Variants in RIPOR2 observed in about 807,000 individuals in gnomAD.
RIPOR2 encodes the protein RHO family interacting cell polarization regulator 2, also known as rho family-interacting cell polarization regulator 2.
RIPOR2 carries 39 observed loss-of-function variants against 114.5 expected under a neutral mutation model. The ratio of observed to expected loss-of-function variants is 0.34; its 90% CI spans 0.26 to 0.44. The LOEUF (loss-of-function observed/expected upper bound fraction) is 0.44. RIPOR2 is among the 20% of genes least tolerant of loss of function. The pLI is 1.00. For missense variants in RIPOR2, 1,007 were observed against 1,255.1 expected (o/e 0.80, Z 2.99); for synonymous variants, 445 against 484.4 (o/e 0.92, Z 1.07).
intron 1 of RIPOR2, among the ~76,000 whole-genome samples, chr6:24,935,364 G>C (rs2114161352): frequency 8.1e-6 from 1 of 123,944 alleles, no homozygotes; most frequent in African/African-American, 3.0e-5. Context: ...GAGAAAGATA[G>C]ACAGAGAGAG....
chr6:24,887,352 C>T (rs565512995), intron 1 of RIPOR2, among the ~76,000 whole-genome samples: 75 of 152,274 alleles, frequency 4.9e-4, no homozygotes, highest in Non-Finnish European at 2.4e-4. Context: ...CCAGGCTTCA[C>T]CCAAGTCACC....
At chr6:24,953,081 C>T (rs1394276397) in intron 1 of RIPOR2, among the ~76,000 whole-genome samples, 1 of 152,126 alleles carries the variant, frequency 6.6e-6, no homozygotes, top group East Asian at 1.9e-4. Context: ...TGCCTGTAAT[C>T]CCAGCACTTT....
In RIPOR2 at chr6:24,853,071, C is replaced by T. The variant is rs546273470; in HGVS notation, c.716-453G>A. 1.1e-3 allele frequency among the ~76,000 whole-genome samples: 171 copies of T among 152,264 alleles called. 1 individual carries two copies. The highest frequency in any genetic ancestry group is 4.0e-3 in the African/African-American group (165 of 41,552). ...GTTAAGATTCCATGCAGTTATTTCC[C>T]TTGCTGCCCCCCAATTTACTCATTC... On this transcript the variant is annotated intron_variant, in intron 8 of 21. Coordinates refer to ENST00000643898, the MANE Select transcript of RIPOR2 (RefSeq NM_001286445.3).
chr6:24,844,370 C>G (rs1418288413), intron 12 of RIPOR2, among the ~76,000 whole-genome samples: 1 of 56,420 alleles, frequency 1.8e-5, no homozygotes, highest in Admixed American at 2.1e-4. Context: ...GAAGTCAGCT[C>G]TCTTGTGCTG....
intron 1 of RIPOR2, among the ~76,000 whole-genome samples, chr6:24,919,084 A>G (rs1200406433): frequency 6.6e-6 from 1 of 152,236 alleles, no homozygotes; most frequent in Non-Finnish European, 1.5e-5. Flanking sequence ...CAACTCCTGC[A>G]GCACAGCTTG....
intron 19 of RIPOR2, among the ~76,000 whole-genome samples, chr6:24,821,906 G>C (rs926557275): frequency 2.0e-5 from 3 of 152,234 alleles, no homozygotes; most frequent in African/African-American, 7.2e-5. Context: ...GACAATTTAA[G>C]TTGTGATCAC....
chr6:24,998,962 G>T (rs1430646965), intron 1 of RIPOR2, among the ~76,000 whole-genome samples: 1 of 152,114 alleles, frequency 6.6e-6, no homozygotes, highest in East Asian at 1.9e-4. Context: ...CTATAGGGAT[G>T]CATATTCCTT....
chr6:24,838,119 C>T (rs534502023), intron 14 of RIPOR2, among the ~76,000 whole-genome samples: 5 of 152,292 alleles, frequency 3.3e-5, no homozygotes, highest in South Asian at 4.1e-4. Context: ...GGACACCGGA[C>T]GGTGAAGGTG....
At chr6:24,951,248 C>T (rs986852649) in intron 1 of RIPOR2, among the ~76,000 whole-genome samples, 2 of 152,112 alleles carry the variant, frequency 1.3e-5, no homozygotes, top group Admixed American at 6.6e-5. Context: ...GAGGAACTAC[C>T]ATTACACAGA....
chr6:25,039,635 A>C lies in RIPOR2; in HGVS notation c.76+2216T>G, dbSNP rs148712670. On this transcript the variant is annotated intron_variant, in intron 1 of 13. Transcript: ENST00000510784. The stretch of plus-strand genomic sequence containing the variant: ...CTTTTCTGATAACTCTTATTTTAAG[A>C]GTATAGGCCGACTTCCCATCCATAC... 1.5e-4 allele frequency among the ~76,000 whole-genome samples: 23 copies of C among 152,322 alleles called. No homozygotes were observed. The East Asian group carries it at 4.2e-3, about 28-fold the overall frequency.
chr6:24,902,985 A>G (rs1349848865), intron 1 of RIPOR2, among the ~76,000 whole-genome samples: 1 of 152,196 alleles, frequency 6.6e-6, no homozygotes, highest in Non-Finnish European at 1.5e-5. Flanking sequence ...AAATCATTCC[A>G]AAATGTAGTG....
chr6:24,864,128 A>C (rs1764349437), intron 7 of RIPOR2, among the ~76,000 whole-genome samples: 1 of 151,918 alleles, frequency 6.6e-6, no homozygotes, highest in Non-Finnish European at 1.5e-5. Context: ...GTATAGTAAA[A>C]CTCCGTCTCT....
intron 1 of RIPOR2, among the ~76,000 whole-genome samples, chr6:25,031,844 T>TTA (rs1424454292): frequency 7.0e-5 from 10 of 143,296 alleles, no homozygotes; most frequent in East Asian, 2.1e-4. Context: ...TACAAAAAGG[T>TTA]TATATATATA....
At chr6:25,030,482 AG>A (rs747472405) in intron 1 of RIPOR2, among the ~76,000 whole-genome samples, 3 of 152,172 alleles carry the variant, frequency 2.0e-5, no homozygotes, top group Non-Finnish European at 4.4e-5. Flanking sequence ...TGGTGATTAG[AG>A]TTCTTACCAC....
At chr6:24,990,286 T>C (rs1052270980) in intron 1 of RIPOR2, among the ~76,000 whole-genome samples, 2 of 152,204 alleles carry the variant, frequency 1.3e-5, no homozygotes, top group African/African-American at 2.4e-5. Context: ...CAAGACCAAA[T>C]CAACTTTAAT....
chr6:25,036,379 AC>A (rs374995110), intron 1 of RIPOR2, among the ~76,000 whole-genome samples: 8,318 of 152,084 alleles, frequency 0.055, 262 homozygotes, highest in Non-Finnish European at 0.068. Context: ...ACAGAGTTCA[AC>A]GGGTTTTTGT....
intron 1 of RIPOR2, among the ~76,000 whole-genome samples, chr6:24,917,351 G>A (rs1178307892): frequency 6.6e-5 from 10 of 152,108 alleles, no homozygotes; most frequent in Non-Finnish European, 1.2e-4. Flanking sequence ...TTACAAATTC[G>A]TATAGTTCTA....
Position 24,839,049 on chromosome 6 carries a change from T to A in RIPOR2, c.2039+42A>T, listed in dbSNP as rs573429464. 1.3e-5 allele frequency: 19 copies of A among 1,484,876 alleles called. No individual in the cohort carries two copies. In the African/African-American group the frequency reaches 2.4e-4, roughly 19 times the overall value. 92.0% of individuals were successfully genotyped at this position (1,484,876 alleles called of 1,614,324 possible). On this transcript the variant is annotated intron_variant, in intron 14 of 21. Transcript: ENST00000643898. ...AGTAACAAAGAACTACTGTATCAGC[T>A]GTGACAGGAGAAATATAAGGAGACA...
At chr6:24,885,217 GT>G (rs1057174515) in intron 1 of RIPOR2, among the ~76,000 whole-genome samples, 2 of 152,016 alleles carry the variant, frequency 1.3e-5, no homozygotes, top group African/African-American at 4.8e-5. Flanking sequence ...CTATTTCTGG[GT>G]TTTTTTGTTT....
Sources: allele counts gnomAD v4.1 joint callset (sites outside exome capture counted in the v4.1 genomes callset), GRCh38; gene constraint gnomAD v4.1.1; transcripts MANE v1.5; gene names NCBI Gene and HGNC (gene_info 2026-07-23, HGNC 2026-07-21).